Variants in ERBB4 observed in about 807,000 individuals in gnomAD.
ERBB4 encodes receptor tyrosine-protein kinase erbB-4.
ERBB4 carries 42 observed loss-of-function variants against 158.0 expected under a neutral mutation model. The ratio of observed to expected loss-of-function variants is 0.27; its 90% confidence interval spans 0.21 to 0.34. The LOEUF (loss-of-function observed/expected upper bound fraction) is 0.34, where lower values mean the gene tolerates loss of function less well. Ranked by LOEUF, ERBB4 falls within the 10% of genes least tolerant of loss-of-function variation. ERBB4 has a pLI of 1.00. For synonymous variants in ERBB4, 583 were observed against 558.7 expected, an observed-to-expected ratio of 1.04 and a Z score of -0.61; for missense variants, 1,333 against 1,624.1, an observed-to-expected ratio of 0.82 and a Z score of 3.08.
At chr2:211,913,694 T>TAG (rs1185194288) in intron 3 of ERBB4, among the ~76,000 whole-genome samples, 4 of 149,326 alleles carry the variant, frequency 2.7e-5, no homozygotes, top group South Asian at 2.1e-4. Flanking sequence ...TATATATACA[T>TAG]AGAGAGAGAG....
rs186084681 is a variant in ERBB4 at position 211,784,150 on chromosome 2, A to G, written c.556+3875T>C. 3.3e-5 allele frequency among the ~76,000 whole-genome samples: 5 copies of G among 152,332 alleles called. No homozygotes were observed. In the East Asian group the frequency reaches 9.6e-4, roughly 29 times the overall value. Reference sequence around the variant, plus strand: ...TACCATCTTAACCACTTTTAAGTGTATGTTTAGTAATGTTAAGTATATTCA... The same window carrying G: ...TACCATCTTAACCACTTTTAAGTGTGTGTTTAGTAATGTTAAGTATATTCA... On this transcript the variant is annotated intron_variant, in intron 4 of 27. Coordinates refer to ENST00000342788, the MANE Select transcript of ERBB4 (RefSeq NM_005235.3).
intron 3 of ERBB4, among the ~76,000 whole-genome samples, chr2:211,850,057 A>C (rs958040388): frequency 3.3e-5 from 5 of 151,976 alleles, no homozygotes; most frequent in Non-Finnish European, 5.9e-5. Flanking sequence ...TCTATCTTCC[A>C]TCCAACCTTC....
At chr2:212,419,155 T>G (rs2091731854) in intron 1 of ERBB4, among the ~76,000 whole-genome samples, 1 of 151,752 alleles carries the variant, frequency 6.6e-6, no homozygotes, top group East Asian at 1.9e-4. Flanking sequence ...TTCACTCTGT[T>G]TCTACCCCCA....
chr2:211,940,199 A>G (rs1284873334), intron 3 of ERBB4, among the ~76,000 whole-genome samples: 2 of 152,014 alleles, frequency 1.3e-5, no homozygotes, highest in Non-Finnish European at 2.9e-5. Context: ...AGATGAAGCT[A>G]ATGTCCTGGG....
At chr2:212,475,440 A>G (rs1689338666) in intron 1 of ERBB4, among the ~76,000 whole-genome samples, 1 of 152,012 alleles carries the variant, frequency 6.6e-6, no homozygotes, top group African/African-American at 2.4e-5. Flanking sequence ...CTTTGTGTTC[A>G]TTTTCCCTCT....
intron 5 of ERBB4, among the ~76,000 whole-genome samples, chr2:211,734,290 C>G (rs143562769): frequency 1.3e-5 from 2 of 152,128 alleles, no homozygotes; most frequent in East Asian, 3.9e-4. Flanking sequence ...TAAGACAGAT[C>G]ACCACTTCTT....
At chr2:211,760,385 T>C (rs1005570919) in intron 4 of ERBB4, among the ~76,000 whole-genome samples, 1 of 152,228 alleles carries the variant, frequency 6.6e-6, no homozygotes, top group Non-Finnish European at 1.5e-5. Context: ...AATACACTTA[T>C]CATACTTGCA....
intron 2 of ERBB4, among the ~76,000 whole-genome samples, chr2:212,079,366 T>C (rs546584892): frequency 2.0e-5 from 3 of 152,014 alleles, no homozygotes; most frequent in Non-Finnish European, 4.4e-5. Context: ...GAATTCACGA[T>C]AGCTAAAACA....
chr2:211,385,461 G>A (rs1386438390), intron 27 of ERBB4, among the ~76,000 whole-genome samples: 5 of 152,112 alleles, frequency 3.3e-5, no homozygotes, highest in Admixed American at 6.5e-5. Context: ...TATTGCCCCT[G>A]CAGGAGTTGG....
At chr2:212,332,587 G>C (rs1236111369) in intron 1 of ERBB4, among the ~76,000 whole-genome samples, 1 of 151,858 alleles carries the variant, frequency 6.6e-6, no homozygotes, top group East Asian at 1.9e-4. Flanking sequence ...TATAAGTAAT[G>C]CTGTCATTAT....
chr2:212,119,323 G>A (rs1399159369), intron 2 of ERBB4, among the ~76,000 whole-genome samples: 1 of 152,096 alleles, frequency 6.6e-6, no homozygotes, highest in Non-Finnish European at 1.5e-5. Context: ...TTTGCTTAAA[G>A]TTAATATATA....
chr2:211,770,990 T>C (rs1057402100), intron 4 of ERBB4, among the ~76,000 whole-genome samples: 3 of 152,204 alleles, frequency 2.0e-5, no homozygotes, highest in Non-Finnish European at 2.9e-5. Context: ...ATATGTTCTA[T>C]GCCAATTTCA....
At chr2:211,798,911 G>A (rs960329131) in intron 3 of ERBB4, among the ~76,000 whole-genome samples, 1 of 152,102 alleles carries the variant, frequency 6.6e-6, no homozygotes, top group African/African-American at 2.4e-5. Flanking sequence ...AAGTATCTTA[G>A]ATATCTGGTT....
At chr2:212,289,407 G>A (rs953458081) in intron 1 of ERBB4, among the ~76,000 whole-genome samples, 1 of 152,128 alleles carries the variant, frequency 6.6e-6, no homozygotes, top group Non-Finnish European at 1.5e-5. Context: ...TGATTCATGA[G>A]AAATTCTTGG....
intron 13 of ERBB4, among the ~76,000 whole-genome samples, chr2:211,677,854 C>A (rs1455505414): frequency 6.6e-6 from 1 of 152,044 alleles, no homozygotes; most frequent in South Asian, 2.1e-4. Context: ...AGCCAGGCAA[C>A]AGAGCCAGAC....
intron 2 of ERBB4, among the ~76,000 whole-genome samples, chr2:211,963,754 A>C (rs2081244227): frequency 6.6e-6 from 1 of 152,106 alleles, no homozygotes; most frequent in Non-Finnish European, 1.5e-5. Context: ...TGGGGATATT[A>C]AGGCTAAGTT....
chr2:212,366,006 A>G (rs557308049), intron 1 of ERBB4, among the ~76,000 whole-genome samples: 6 of 152,028 alleles, frequency 3.9e-5, no homozygotes, highest in African/African-American at 1.4e-4. Flanking sequence ...ATAGCAGATA[A>G]ATACCTTCAA....
chr2:212,290,574 A>T (rs1241575767), intron 1 of ERBB4, among the ~76,000 whole-genome samples: 2 of 152,126 alleles, frequency 1.3e-5, no homozygotes. Context: ...GTGGGACAAG[A>T]TCTCTTATTT....
chr2:212,431,866 C>T (rs942529149), intron 1 of ERBB4, among the ~76,000 whole-genome samples: 2 of 152,134 alleles, frequency 1.3e-5, no homozygotes, highest in Admixed American at 1.3e-4. Flanking sequence ...CCATGGGGCA[C>T]CCTACGTGAA....
Sources: gnomAD v4.1 joint callset for allele counts (sites outside exome capture counted in the v4.1 genomes callset) on GRCh38, gnomAD v4.1.1 for gene constraint, MANE v1.5 for transcripts, NCBI Gene and HGNC (gene_info 2026-07-23, HGNC 2026-07-21) for gene names.